UNC5D: variants seen among roughly 807,000 people sequenced by gnomAD.
The protein encoded by UNC5D is netrin receptor UNC5D.
UNC5D carries 39 observed loss-of-function variants against 105.4 expected under a neutral mutation model. The ratio of observed to expected loss-of-function variants is 0.37; its 90% confidence interval spans 0.29 to 0.48. UNC5D has a LOEUF of 0.48. Among genes scored for constraint, UNC5D ranks in the 20% least tolerant of loss-of-function variants. UNC5D has a pLI of 0.98. For missense variants in UNC5D, 991 were observed against 1,202.4 expected, an observed-to-expected ratio of 0.82 and a Z score of 2.60; for synonymous variants, 452 against 450.4, an observed-to-expected ratio of 1.00 and a Z score of -0.04.
chr8:35,497,465 C>G (rs1811672679), intron 1 of UNC5D, among the ~76,000 whole-genome samples: 1 of 152,174 alleles, frequency 6.6e-6, no homozygotes, highest in African/African-American at 2.4e-5. Context: ...TTCTGTGGCC[C>G]TCTAGCCAAT....
intron 4 of UNC5D, among the ~76,000 whole-genome samples, chr8:35,622,516 C>T (rs1821423587): frequency 6.6e-6 from 1 of 152,108 alleles, no homozygotes; most frequent in Non-Finnish European, 1.5e-5. Context: ...TCTATAACTT[C>T]TCTGAACATA....
At chr8:35,418,980 C>T (rs912534478) in intron 1 of UNC5D, among the ~76,000 whole-genome samples, 3 of 152,108 alleles carry the variant, frequency 2.0e-5, no homozygotes, top group African/African-American at 7.2e-5. Context: ...CTCACTGGGA[C>T]CCTGAGAATT....
At chr8:35,486,833 G>A (rs1810852498) in intron 1 of UNC5D, among the ~76,000 whole-genome samples, 2 of 152,128 alleles carry the variant, frequency 1.3e-5, no homozygotes, top group African/African-American at 2.4e-5. Context: ...TGAAATAGAA[G>A]AAGCCTTTTC....
chr8:35,674,236 G>A (rs558434913), intron 4 of UNC5D, among the ~76,000 whole-genome samples: 38 of 152,210 alleles, frequency 2.5e-4, no homozygotes, highest in African/African-American at 8.2e-4. Flanking sequence ...TTCTTTAATG[G>A]TGATAAGTTT....
intron 1 of UNC5D, among the ~76,000 whole-genome samples, chr8:35,372,331 C>T (rs542144378): frequency 6.6e-6 from 1 of 152,068 alleles, no homozygotes; most frequent in South Asian, 2.1e-4. Flanking sequence ...TGCCATGTGC[C>T]CAGGTTGGTC....
At chr8:35,271,829 G>A (rs1269492039) in intron 1 of UNC5D, among the ~76,000 whole-genome samples, 1 of 151,630 alleles carries the variant, frequency 6.6e-6, no homozygotes, top group Non-Finnish European at 1.5e-5. Flanking sequence ...GCTATAGGCA[G>A]GGGATAAGAC....
intron 4 of UNC5D, among the ~76,000 whole-genome samples, chr8:35,608,559 C>T (rs1820463425): frequency 6.6e-6 from 1 of 152,160 alleles, no homozygotes; most frequent in Admixed American, 6.5e-5. Flanking sequence ...CCATCCCCTC[C>T]TCTTCCTGGT....
intron 4 of UNC5D, among the ~76,000 whole-genome samples, chr8:35,663,646 T>C (rs1824247952): frequency 6.6e-6 from 1 of 152,136 alleles, no homozygotes; most frequent in Non-Finnish European, 1.5e-5. Flanking sequence ...GTGGTTATGG[T>C]GTATACATGT....
At chr8:35,595,997 T>G (rs751332411) in intron 4 of UNC5D, among the ~76,000 whole-genome samples, 7 of 152,130 alleles carry the variant, frequency 4.6e-5, no homozygotes, top group African/African-American at 7.2e-5. Context: ...ATGGAACAAA[T>G]CTGAGCTGTA....
At chr8:35,282,001 G>A (rs1017548120) in intron 1 of UNC5D, among the ~76,000 whole-genome samples, 1 of 152,116 alleles carries the variant, frequency 6.6e-6, no homozygotes, top group South Asian at 2.1e-4. Flanking sequence ...CTAAAATATC[G>A]TATTATTTTC....
In UNC5D at chr8:35,549,577, G is replaced by A; in HGVS notation, c.322+67G>A. On this transcript the variant is annotated intron_variant, in intron 2 of 16. Coordinates refer to ENST00000404895, the MANE Select transcript of UNC5D (RefSeq NM_080872.4). ...TAGGTTCTCCTGTGGTTATATCTCTGGGAAAGACTGGAAATCACCCCCCAT... is the reference window on the plus strand; with the variant it reads ...TAGGTTCTCCTGTGGTTATATCTCTAGGAAAGACTGGAAATCACCCCCCAT... The A allele has an allele frequency of 7.6e-6, 11 of 1,453,834 alleles. 1 individual carries two copies. The South Asian group carries it at 1.4e-4, about 18-fold the overall frequency. 90.1% of individuals were successfully genotyped at this position (1,453,834 alleles called of 1,614,324 possible).
chr8:35,509,175 T>C (rs896712235), intron 1 of UNC5D, among the ~76,000 whole-genome samples: 3 of 151,966 alleles, frequency 2.0e-5, no homozygotes, highest in Non-Finnish European at 4.4e-5. Context: ...TACTCAGAAA[T>C]TGTGTAGACA....
At chr8:35,523,164 C>T (rs1321904410) in intron 1 of UNC5D, among the ~76,000 whole-genome samples, 1 of 150,830 alleles carries the variant, frequency 6.6e-6, no homozygotes, top group Non-Finnish European at 1.5e-5. Context: ...CTCACTGCAG[C>T]CTCAATATCC....
chr8:35,476,082 G>T (rs1470821607), intron 1 of UNC5D, among the ~76,000 whole-genome samples: 1 of 152,194 alleles, frequency 6.6e-6, no homozygotes, highest in African/African-American at 2.4e-5. Flanking sequence ...TCTCGCTCTG[G>T]ATTTAAGGCA....
At chr8:35,460,554 C>A (rs978776124) in intron 1 of UNC5D, among the ~76,000 whole-genome samples, 1 of 152,200 alleles carries the variant, frequency 6.6e-6, no homozygotes, top group African/African-American at 2.4e-5. Context: ...AATGCAATAG[C>A]TACAGTGCTA....
At chr8:35,388,080 G>T (rs1167775777) in intron 1 of UNC5D, among the ~76,000 whole-genome samples, 1 of 152,102 alleles carries the variant, frequency 6.6e-6, no homozygotes, top group Non-Finnish European at 1.5e-5. Flanking sequence ...TTTTTATTAA[G>T]AAGGAAGTCT....
At chr8:35,737,983 G>A (rs1424173531) in intron 11 of UNC5D, among the ~76,000 whole-genome samples, 1 of 152,104 alleles carries the variant, frequency 6.6e-6, no homozygotes, top group Non-Finnish European at 1.5e-5. Context: ...GTGTGTGCCT[G>A]TAATCCCAGC....
At chr8:35,718,459 C>T (rs1208448429) in intron 8 of UNC5D, among the ~76,000 whole-genome samples, 1 of 152,190 alleles carries the variant, frequency 6.6e-6, no homozygotes, top group Admixed American at 6.5e-5. Context: ...CAACCTAAGA[C>T]TGTGGTTTCT....
chr8:35,722,862 A>G (rs1487944958), intron 9 of UNC5D, among the ~76,000 whole-genome samples: 1 of 152,136 alleles, frequency 6.6e-6, no homozygotes, highest in African/African-American at 2.4e-5. Flanking sequence ...ATTTTAGAGA[A>G]TAGATGATGG....
Sources: allele counts gnomAD v4.1 joint callset (sites outside exome capture counted in the v4.1 genomes callset), GRCh38; gene constraint gnomAD v4.1.1; transcripts MANE v1.5; gene names NCBI Gene and HGNC (gene_info 2026-07-23, HGNC 2026-07-21).